The following GNL2 variants were observed in gnomAD, a reference collection of about 807,000 sequenced individuals.
GNL2 encodes G protein nucleolar 2.
Under a neutral mutation model 92.3 loss-of-function variants are expected in GNL2, and 51 were observed. That is an observed-to-expected ratio of 0.55 (90% CI 0.44 to 0.70). GNL2 has a LOEUF of 0.70. Among genes scored for constraint, GNL2 ranks in the 30% least tolerant of loss-of-function variants. GNL2 has a pLI of 0.00. For missense variants in GNL2, 844 were observed against 895.6 expected (o/e 0.94, Z 0.74); for synonymous variants, 283 against 300.6 (o/e 0.94, Z 0.61).
At position 37,569,167 on chromosome 1, in the gene GNL2, C is replaced by A; in HGVS notation, c.1552G>T (p.Ala518Ser). The A allele has an allele frequency of 6.2e-7, 1 of 1,614,046 alleles. No homozygotes were observed. The highest frequency in any genetic ancestry group is 1.1e-5 in the South Asian group (1 of 91,084). The change falls in exon 13 of 16, where the codon GCT becomes TCT. Residue 518 changes from alanine to serine, a missense_variant. Coordinates refer to ENST00000373062, the MANE Select transcript of GNL2 (RefSeq NM_013285.3). ...AGAATCTGCTGCATCTCTGTGTTAGCATCACAGTGACTGTTCTCTTCTGTT... is the reference window on the plus strand; with the variant it reads ...AGAATCTGCTGCATCTCTGTGTTAGAATCACAGTGACTGTTCTCTTCTGTT... ...EETEENSHCDANTEMQQILTR... is the reference protein window; with the variant it reads ...EETEENSHCDSNTEMQQILTR...
rs150541157 is a variant in GNL2, at chr1:37,590,719, C to T, written c.371G>A (p.Arg124Gln). ...CCTACATCTTACATGAGGCCGGATT[C>T]GATCATGGAGAAGAGACATTGGTAA... ...SKLPMSLLHD[R>Q]IRPHNLKVHI... is the part of the protein sequence containing the mutation. The change falls in exon 4 of 16, where the codon CGA (arginine) becomes CAA (glutamine). Residue 124 changes from arginine (R) to glutamine (Q), a missense_variant. Physicochemically the swap from Arg to Gln is conservative, Grantham distance 43 (BLOSUM62 1). Transcript: ENST00000373062. 5.0e-6 allele frequency: 8 copies of T among 1,613,314 alleles called. No homozygotes were observed. Among genetic ancestry groups the T allele is most frequent in the East Asian group, 4.5e-5 (2 of 44,880 alleles).
chr1:37,574,058 A>G (rs1643636997), intron 12 of GNL2, among the ~76,000 whole-genome samples: 1 of 151,920 alleles, frequency 6.6e-6, no homozygotes, highest in Admixed American at 6.5e-5. Flanking sequence ...ATGCTAGGTT[A>G]ATTTTTGTAT....
intron 8 of GNL2, among the ~76,000 whole-genome samples, chr1:37,579,547 C>T (rs550995201): frequency 7.0e-6 from 1 of 141,956 alleles, no homozygotes; most frequent in South Asian, 2.2e-4. Flanking sequence ...AACTCTGTCT[C>T]ACAAAAAAAA....
chr1:37,571,366 C>T (rs573229374), intron 12 of GNL2, among the ~76,000 whole-genome samples: 46 of 152,290 alleles, frequency 3.0e-4, no homozygotes, highest in African/African-American at 1.1e-3. Context: ...TATGCACCCC[C>T]ATTGTTCCTA....
intron 4 of GNL2, among the ~76,000 whole-genome samples, chr1:37,588,610 A>G (rs1643870317): frequency 6.6e-6 from 1 of 152,202 alleles, no homozygotes; most frequent in Non-Finnish European, 1.5e-5. Context: ...ACAGTACCCA[A>G]GGCTTTATGT....
intron 12 of GNL2, among the ~76,000 whole-genome samples, chr1:37,571,522 G>A (rs1643594276): frequency 6.6e-6 from 1 of 152,050 alleles, no homozygotes; most frequent in South Asian, 2.1e-4. Flanking sequence ...TCATCTCCCT[G>A]TCCGTGACTT....
rs1336236077 is a variant in GNL2, at chr1:37,575,132, C to T, written c.1144-309G>A. ...TTGCAGAAATGGTTAAAAGCCTGCC[C>T]ATCCCAGGACACAAAAATAATGGAA... is the stretch of plus-strand genomic sequence containing the variant. On this transcript the variant is annotated intron_variant, in intron 10 of 15. Transcript: ENST00000373062. The surrounding 1 kb of genome is among the most constrained non-coding windows in gnomAD (Gnocchi z 4.1). Among the ~76,000 whole-genome samples the T allele has an allele frequency of 6.6e-6, 1 of 152,150 alleles. No homozygotes were observed. The highest frequency in any genetic ancestry group is 1.5e-5 in the Non-Finnish European group (1 of 68,036).
chr1:37,593,612 T>A, intron 2 of GNL2, 150 bp downstream of exon 2: 1 of 577,258 alleles, frequency 1.7e-6, no homozygotes, highest in Non-Finnish European at 3.1e-6. Flanking sequence ...TAACACTTTA[T>A]CCTAACGACA....
rs754506258 is a variant in GNL2, at chr1:37,574,313, T to C, written c.1416+30A>G. On this transcript the variant is annotated intron_variant, in intron 12 of 15. Coordinates refer to ENST00000373062, the MANE Select transcript of GNL2 (RefSeq NM_013285.3). ...ACCAAATCTAGGTCAGGACCCATGC[T>C]CCCCAGAGGTGGGCCCACCCTGCTC... The C allele has an allele frequency of 7.1e-6, 10 of 1,415,236 alleles. No individual in the cohort carries two copies. The South Asian group carries it at 1.2e-4, about 16-fold the overall frequency. The allele number at this position is 1,415,236 out of a possible 1,614,324, so 87.7% of individuals were successfully genotyped here. A position where few individuals can be genotyped will look rare whatever the true frequency, so the allele number is the denominator to read the frequency against.
At chr1:37,571,118 A>T (rs1643587586) in intron 12 of GNL2, among the ~76,000 whole-genome samples, 1 of 152,238 alleles carries the variant, frequency 6.6e-6, no homozygotes, top group Non-Finnish European at 1.5e-5. Flanking sequence ...CCAAAAAAGA[A>T]AAACAGAATC....
chr1:37,568,729 A>C (rs1643546872), intron 13 of GNL2, 122 bp downstream of exon 13: 2 of 768,594 alleles, frequency 2.6e-6, no homozygotes, highest in African/African-American at 1.7e-5. Flanking sequence ...ACAAACAAAC[A>C]AAAAACCCAA....
In GNL2 at chr1:37,584,461, T is replaced by TAA. The variant is rs377282004; in HGVS notation, c.570-530_570-529dup. Among the ~76,000 whole-genome samples the TAA allele has an allele frequency of 4.0e-3, 460 of 115,238 alleles. 6 individuals carry two copies. In the South Asian group the frequency reaches 0.048, roughly 12 times the overall value. 75.6% of individuals were successfully genotyped at this position (115,238 alleles called of 152,430 possible). ...GACCCTGTCTCAAAAAATAATTAAT[T>TAA]AAAAAAAAAAAAAAAAGAAGAAGAA... On this transcript the variant is annotated intron_variant, in intron 5 of 15. Coordinates refer to ENST00000373062, the MANE Select transcript of GNL2 (RefSeq NM_013285.3).
intron 13 of GNL2, 42 bp from the exon 14 acceptor site, chr1:37,568,399 C>T (rs1643541205): frequency 7.8e-7 from 1 of 1,283,062 alleles, no homozygotes; most frequent in East Asian, 2.3e-5. Flanking sequence ...TCTCACTCGC[C>T]CGAATCACAT....
chr1:37,584,019 A>C, intron 5 of GNL2, 86 bp from the exon 6 acceptor site: 1 of 791,748 alleles, frequency 1.3e-6, no homozygotes, highest in African/African-American at 1.7e-5. Flanking sequence ...GTACCAAAAA[A>C]AACAGTATCA....
chr1:37,593,176 A>C (rs1049753720), intron 2 of GNL2, among the ~76,000 whole-genome samples: 1 of 152,238 alleles, frequency 6.6e-6, no homozygotes, highest in African/African-American at 2.4e-5. Flanking sequence ...CCGGAATTCC[A>C]AATTCTAAAA....
intron 5 of GNL2, among the ~76,000 whole-genome samples, chr1:37,586,716 T>C (rs1643855221): frequency 6.6e-6 from 1 of 152,178 alleles, no homozygotes; most frequent in African/African-American, 2.4e-5. Flanking sequence ...TAACTATATT[T>C]CCTAATTTGT....
chr1:37,571,781 T>C (rs2148129166), intron 12 of GNL2, among the ~76,000 whole-genome samples: 1 of 152,220 alleles, frequency 6.6e-6, no homozygotes, highest in South Asian at 2.1e-4. Context: ...GAACTACTTA[T>C]CTACACTTAC....
intron 5 of GNL2, 66 bp downstream of exon 5, chr1:37,587,245 C>T (rs565479591): frequency 4.2e-4 from 526 of 1,241,012 alleles, no homozygotes; most frequent in Non-Finnish European, 5.6e-4. Context: ...CCAGCCTGGG[C>T]GACAAAGCAA....
At chr1:37,593,530 A>T in intron 2 of GNL2, 1 of 467,848 alleles carries the variant, frequency 2.1e-6, no homozygotes, top group Non-Finnish European at 3.8e-6. Context: ...GTGAGAAACA[A>T]GACCTCTACT....
Sources: gnomAD v4.1 joint callset for allele counts (sites outside exome capture counted in the v4.1 genomes callset) on GRCh38, gnomAD v4.1.1 for gene constraint, Gnocchi (gnomAD v3.1) non-coding constraint, MANE v1.5 for transcripts, NCBI Gene and HGNC (gene_info 2026-07-23, HGNC 2026-07-21) for gene names.